Variants in ANKRD30BL observed in about 807,000 individuals in gnomAD.
ANKRD30BL encodes ankyrin repeat domain 30B like.
ANKRD30BL carries 20 observed loss-of-function variants against 18.4 expected under a neutral mutation model. The ratio of observed to expected loss-of-function variants is 1.09; its 90% CI spans 0.77 to 1.58. ANKRD30BL has a LOEUF of 1.58. Ranked by LOEUF, ANKRD30BL falls within the 40% of genes most tolerant of loss-of-function variation. The pLI is 0.00. For missense variants in ANKRD30BL, 224 were observed against 268.6 expected, an observed-to-expected ratio of 0.83 and a Z score of 1.16; for synonymous variants, 72 against 100.9, an observed-to-expected ratio of 0.71 and a Z score of 1.72.
intron 4 of ANKRD30BL, among the ~76,000 whole-genome samples, chr2:132,151,343 C>T (rs1024788713): frequency 6.6e-6 from 1 of 151,872 alleles, no homozygotes; most frequent in Non-Finnish European, 1.5e-5. Flanking sequence ...GATTTTAGGG[C>T]CTTATTTCAC....
At chr2:132,242,324 G>A (rs1418422102) in intron 1 of ANKRD30BL, among the ~76,000 whole-genome samples, 2 of 151,718 alleles carry the variant, frequency 1.3e-5, no homozygotes, top group Non-Finnish European at 2.9e-5. Flanking sequence ...ATCTGCAAGT[G>A]GATATTTGGA....
At chr2:132,249,519 C>CA (rs1680593811) in intron 1 of ANKRD30BL, among the ~76,000 whole-genome samples, 1 of 152,090 alleles carries the variant, frequency 6.6e-6, no homozygotes, top group African/African-American at 2.4e-5. Flanking sequence ...TATCCCTTTG[C>CA]AGATTCTACA....
At chr2:132,200,606 C>T (rs1679078328) in intron 1 of ANKRD30BL, among the ~76,000 whole-genome samples, 1 of 152,082 alleles carries the variant, frequency 6.6e-6, no homozygotes, top group Admixed American at 6.5e-5. Flanking sequence ...AGTACCTCTT[C>T]AAGGAGAACT....
At chr2:132,226,388 T>A (rs138542419) in intron 1 of ANKRD30BL, among the ~76,000 whole-genome samples, 1 of 150,396 alleles carries the variant, frequency 6.6e-6, no homozygotes, top group African/African-American at 2.5e-5. Flanking sequence ...TCTGAGAAAC[T>A]TCTTTGTGAT....
At chr2:132,238,875 A>G (rs576640090) in intron 1 of ANKRD30BL, among the ~76,000 whole-genome samples, 1 of 152,194 alleles carries the variant, frequency 6.6e-6, no homozygotes, top group Non-Finnish European at 1.5e-5. Flanking sequence ...CCCTTCATTG[A>G]GCATTTTTGA....
chr2:132,221,544 T>TG lies in ANKRD30BL; in HGVS notation n.441+35984dup, dbSNP rs1163750064. Among the ~76,000 whole-genome samples, 11 of 90,512 alleles carry TG rather than the reference T, an allele frequency of 1.2e-4. No homozygotes were observed. The East Asian group carries it at 1.4e-3, about 12-fold the overall frequency. The allele number at this position is 90,512 out of a possible 152,430, so 59.4% of individuals were successfully genotyped here. ...CCAGCCACCCCGTCCGGGAGGGAGG[T>TG]GGGGGGGTCAGCCCCCCGCCCGGCC... On this transcript the variant is annotated intron_variant and non_coding_transcript_variant, in intron 1 of 4. Coordinates refer to the ANKRD30BL transcript ENST00000470729.
intron 5 of ANKRD30BL, among the ~76,000 whole-genome samples, chr2:132,148,833 TAAC>T (rs979198765): frequency 2.0e-5 from 3 of 151,838 alleles, no homozygotes; most frequent in South Asian, 2.1e-4. Context: ...AAGATGATAA[TAAC>T]AAGAAAAATG....
chr2:132,210,850 C>G (rs7585048), intron 1 of ANKRD30BL, among the ~76,000 whole-genome samples: 76,899 of 141,190 alleles, frequency 0.54, 20,350 homozygotes, highest in African/African-American at 0.76. Flanking sequence ...TATTTGGAGC[C>G]CTTTGGGGCC....
intron 1 of ANKRD30BL, among the ~76,000 whole-genome samples, chr2:132,176,735 G>A (rs1332154995): frequency 6.6e-6 from 1 of 152,232 alleles, no homozygotes; most frequent in Middle Eastern, 3.2e-3. Flanking sequence ...GGGTTGCAGT[G>A]AGTCAAGATG....
chr2:132,244,651 C>G (rs1460804132), intron 1 of ANKRD30BL, among the ~76,000 whole-genome samples: 1 of 152,294 alleles, frequency 6.6e-6, no homozygotes, highest in Non-Finnish European at 1.5e-5. Context: ...ACTCAAATCA[C>G]AGAATTGAAC....
intron 1 of ANKRD30BL, among the ~76,000 whole-genome samples, chr2:132,202,645 T>G (rs1405501377): frequency 6.6e-6 from 1 of 152,104 alleles, no homozygotes; most frequent in Non-Finnish European, 1.5e-5. Context: ...TAAAAAAATT[T>G]TAAAAACAAT....
Position 132,241,405 on chromosome 2 carries a change from T to A in ANKRD30BL, n.441+16124A>T, listed in dbSNP as rs569239655. On this transcript the variant is annotated intron_variant and non_coding_transcript_variant, in intron 1 of 4. Transcript: ENST00000470729. ...CTTCTTTGTGATGTTTCTATTCAAC[T>A]CACAGAGTTGAACCTTCCCTTTCAT... Among the ~76,000 whole-genome samples the A allele has an allele frequency of 1.2e-3, 179 of 152,020 alleles. 2 individuals are homozygous for A. Among genetic ancestry groups the A allele is most frequent in the African/African-American group, 4.0e-3 (168 of 41,542 alleles).
chr2:132,226,367 G>C (rs1453006871), intron 1 of ANKRD30BL, among the ~76,000 whole-genome samples: 1 of 149,952 alleles, frequency 6.7e-6, no homozygotes. Flanking sequence ...ATAAAAACTA[G>C]ACAGAGGAAT....
intron 1 of ANKRD30BL, among the ~76,000 whole-genome samples, chr2:132,196,059 G>A (rs1435127255): frequency 2.7e-5 from 4 of 150,768 alleles, no homozygotes; most frequent in Middle Eastern, 3.4e-3. Context: ...GGAGAATAGC[G>A]TGAACCTGGG....
chr2:132,175,104 G>C (rs1192758505), intron 1 of ANKRD30BL, among the ~76,000 whole-genome samples: 3 of 152,164 alleles, frequency 2.0e-5, no homozygotes, highest in Non-Finnish European at 2.9e-5. Context: ...AAGACACAGA[G>C]TCAAAGTATA....
intron 1 of ANKRD30BL, among the ~76,000 whole-genome samples, chr2:132,238,366 G>A (rs1355552646): frequency 6.6e-6 from 1 of 151,516 alleles, no homozygotes; most frequent in Non-Finnish European, 1.5e-5. Context: ...AACTCACAGA[G>A]TTGAAATTTT....
At chr2:132,239,105 G>A (rs781776868) in intron 1 of ANKRD30BL, among the ~76,000 whole-genome samples, 28 of 152,146 alleles carry the variant, frequency 1.8e-4, no homozygotes, top group Non-Finnish European at 2.4e-4. Context: ...GCGCTTTAGC[G>A]CCTGTGGTAA....
At chr2:132,224,749 C>T (rs1239182782) in intron 1 of ANKRD30BL, among the ~76,000 whole-genome samples, 1 of 151,548 alleles carries the variant, frequency 6.6e-6, no homozygotes, top group African/African-American at 2.4e-5. Flanking sequence ...TGATACACTC[C>T]TTTAGTAGAA....
At chr2:132,231,685 C>T (rs1166005884) in intron 1 of ANKRD30BL, among the ~76,000 whole-genome samples, 1 of 152,132 alleles carries the variant, frequency 6.6e-6, no homozygotes, top group African/African-American at 2.4e-5. Flanking sequence ...CTCGGAGGGT[C>T]CTACACCCAC....
Sources: allele counts gnomAD v4.1 joint callset (sites outside exome capture counted in the v4.1 genomes callset), GRCh38; gene constraint gnomAD v4.1.1; transcripts MANE v1.5; gene names NCBI Gene and HGNC (gene_info 2026-07-23, HGNC 2026-07-21).